C8orf76: variants seen among roughly 807,000 people sequenced by gnomAD.
The protein encoded by C8orf76 is chromosome 8 open reading frame 76.
Under a neutral mutation model 38.1 loss-of-function variants are expected in C8orf76, and 46 were observed. That is an observed-to-expected ratio of 1.21 (90% CI 0.95 to 1.54). The LOEUF is 1.54. C8orf76 is among the 40% of genes most tolerant of loss of function. The pLI, the probability that C8orf76 is intolerant of heterozygous loss-of-function variation, is 0.00. For missense variants in C8orf76, 461 were observed against 441.6 expected, an observed-to-expected ratio of 1.04 and a Z score of -0.39; for synonymous variants, 166 against 167.5, an observed-to-expected ratio of 0.99 and a Z score of 0.07.
At chr8:123,240,112 A>G (rs1392502303) in intron 1 of C8orf76, 2 of 152,744 alleles carry the variant, frequency 1.3e-5, no homozygotes, top group African/African-American at 4.8e-5. Flanking sequence ...CACTCCCACG[A>G]TAACTCTGTG....
chr8:123,235,872 C>T (rs984988790), intron 3 of C8orf76, among the ~76,000 whole-genome samples: 1 of 152,112 alleles, frequency 6.6e-6, no homozygotes, highest in African/African-American at 2.4e-5. Context: ...AAACGCCGAG[C>T]GAGCAGGACA....
chr8:123,239,075 G>A lies in C8orf76; in HGVS notation c.187C>T (p.Leu63=). 2 of 1,614,094 alleles carry A rather than the reference G, an allele frequency of 1.2e-6. No homozygotes were observed. Among genetic ancestry groups the A allele is most frequent in the Non-Finnish European group, 1.7e-6 (2 of 1,180,006 alleles). ...TGATACTCTTGTCGTCTGTAGGCCA[G>A]GTCTCCTTTGAATTTCTTGAGAGTC... ...VLTLKKFKGD[L]AYRRQEYQKA... Residue 63 remains leucine (L), a synonymous_variant, in exon 2 of 6, where the codon CTG becomes TTG. Transcript: ENST00000276704.
chr8:123,228,844 T>C (rs934508210), intron 4 of C8orf76, among the ~76,000 whole-genome samples: 2 of 152,228 alleles, frequency 1.3e-5, no homozygotes, highest in Non-Finnish European at 1.5e-5. Context: ...GTACTTTAAA[T>C]ACTTTAATTC....
chr8:123,221,481 G>A (rs1396403485), intron 5 of C8orf76, among the ~76,000 whole-genome samples: 1 of 152,142 alleles, frequency 6.6e-6, no homozygotes, highest in African/African-American at 2.4e-5. Flanking sequence ...TGTAGCCCAG[G>A]ATGGAGTACA....
chr8:123,223,446 A>G (rs1207621390), intron 5 of C8orf76, among the ~76,000 whole-genome samples: 3 of 152,170 alleles, frequency 2.0e-5, no homozygotes, highest in Non-Finnish European at 4.4e-5. Context: ...CTTCTCTACT[A>G]AAAACATAAA....
At chr8:123,222,275 C>T (rs920768846) in intron 5 of C8orf76, among the ~76,000 whole-genome samples, 3 of 152,180 alleles carry the variant, frequency 2.0e-5, no homozygotes, top group Admixed American at 6.5e-5. Flanking sequence ...TGCGCCACCG[C>T]GCCCGGCAGG....
Position 123,231,544 on chromosome 8 carries a change from G to A in C8orf76, c.571C>T (p.Gln191Ter). ...TTGTCACTTGAGGTGAAACTGTGCT[G>A]TTTCTGAGATGACGCAAGTGCTGCT... ...LSAALASSQK[Q>*]HSFTSSDKTI... The change falls in exon 4 of 6, where the codon CAG (glutamine) becomes TAG (stop). Residue 191 changes from glutamine to a stop codon, truncating the protein, a stop_gained. Coordinates refer to ENST00000276704, the MANE Select transcript of C8orf76 (RefSeq NM_032847.3). LOFTEE classifies it high-confidence loss of function. 1 of 1,614,250 alleles carries A rather than the reference G, an allele frequency of 6.2e-7. No individual in the cohort carries two copies. The highest frequency in any genetic ancestry group is 8.5e-7 in the Non-Finnish European group (1 of 1,180,050).
intron 3 of C8orf76, among the ~76,000 whole-genome samples, chr8:123,235,063 G>C (rs575763861): frequency 1.3e-5 from 2 of 152,118 alleles, no homozygotes; most frequent in Non-Finnish European, 2.9e-5. Context: ...CCTTAGCATC[G>C]AACCCAGAAC....
intron 5 of C8orf76, among the ~76,000 whole-genome samples, chr8:123,220,871 A>T (rs1365779084): frequency 6.6e-6 from 1 of 152,186 alleles, no homozygotes. Context: ...AAGACATCAC[A>T]AAGTTAGGTT....
At chr8:123,228,678 C>T (rs557815194) in intron 4 of C8orf76, among the ~76,000 whole-genome samples, 1 of 152,058 alleles carries the variant, frequency 6.6e-6, no homozygotes, top group Non-Finnish European at 1.5e-5. Context: ...ATCACATGCT[C>T]CTGTATTTAA....
chr8:123,224,963 G>A (rs1199768532), intron 5 of C8orf76, among the ~76,000 whole-genome samples: 1 of 152,126 alleles, frequency 6.6e-6, no homozygotes, highest in East Asian at 1.9e-4. Flanking sequence ...CTTCCTGGAG[G>A]ATGTGGAACT....
intron 3 of C8orf76, chr8:123,237,155 C>A: frequency 1.3e-6 from 1 of 773,608 alleles, no homozygotes; most frequent in Non-Finnish European, 2.3e-6. Context: ...CCACCCCGTG[C>A]TGTCAACTCC....
chr8:123,239,356 C>T (rs1253445843), intron 1 of C8orf76: 4 of 464,378 alleles, frequency 8.6e-6, no homozygotes, highest in South Asian at 7.4e-5. Flanking sequence ...TGAGCCACCG[C>T]ACCCAGCCCA....
intron 4 of C8orf76, among the ~76,000 whole-genome samples, chr8:123,229,123 A>AAC (rs1325957387): frequency 5.3e-5 from 8 of 152,234 alleles, no homozygotes; most frequent in Admixed American, 2.6e-4. Context: ...ACAATGTGAC[A>AAC]ACACTGTTCT....
chr8:123,235,399 G>A (rs1176409449), intron 3 of C8orf76, among the ~76,000 whole-genome samples: 5 of 151,996 alleles, frequency 3.3e-5, no homozygotes, highest in South Asian at 2.1e-4. Flanking sequence ...AGTAACCACC[G>A]TCACAAAAAA....
chr8:123,233,824 C>G lies in C8orf76; in HGVS notation c.358-2067G>C, dbSNP rs181960900. Among the ~76,000 whole-genome samples the G allele has an allele frequency of 4.3e-4, 65 of 151,938 alleles. No individual in the cohort carries two copies. In the East Asian group the frequency reaches 0.013, roughly 30 times the overall value. ...CGGGCGGATCATGAGTTCAGGAGAT[C>G]GAGACCATCCTGGCTAACATGGCGA... is the stretch of plus-strand genomic sequence containing the variant. On this transcript the variant is annotated intron_variant, in intron 3 of 5. Coordinates refer to ENST00000276704, the MANE Select transcript of C8orf76 (RefSeq NM_032847.3).
Position 123,241,281 on chromosome 8 carries a change from C to T in C8orf76, c.66G>A (p.Glu22=), listed in dbSNP as rs1221270921. Residue 22 remains glutamate, a synonymous_variant, in exon 1 of 6, where the codon GAG becomes GAA. Transcript: ENST00000276704. The part of the protein sequence containing the change: ...FEDSVFEERP[E]RRSGPPASYC... ...AGGACGCGGGCGGTCCTGACCGCCG[C>T]TCCGGCCTCTCCTCGAACACCGAGT... 1 of 1,580,978 alleles carries T rather than the reference C, an allele frequency of 6.3e-7. No homozygotes were observed. The highest frequency in any genetic ancestry group is 8.6e-7 in the Non-Finnish European group (1 of 1,168,362).
chr8:123,231,188 C>A, intron 4 of C8orf76, 112 bp downstream of exon 4: 1 of 1,362,124 alleles, frequency 7.3e-7, no homozygotes, highest in South Asian at 1.6e-5. Context: ...AGGAAAATTT[C>A]AAAAATATAT....
chr8:123,229,868 T>C (rs973044723), intron 4 of C8orf76, among the ~76,000 whole-genome samples: 1 of 152,014 alleles, frequency 6.6e-6, no homozygotes, highest in Non-Finnish European at 1.5e-5. Context: ...AATACAAAAA[T>C]TAGCCGGGTG....
Sources: gnomAD v4.1 joint callset for allele counts (sites outside exome capture counted in the v4.1 genomes callset) on GRCh38, gnomAD v4.1.1 for gene constraint, MANE v1.5 for transcripts, NCBI Gene and HGNC (gene_info 2026-07-23, HGNC 2026-07-21) for gene names.